TNFSF4: variants seen among roughly 807,000 people sequenced by gnomAD.
TNFSF4 encodes tumor necrosis factor ligand superfamily member 4.
TNFSF4 carries 4 observed loss-of-function variants against 7.3 expected under a neutral mutation model. That is an observed-to-expected ratio of 0.55 (90% CI 0.27 to 1.25). TNFSF4 has a LOEUF of 1.25. Ranked by LOEUF, TNFSF4 falls within the 50% of genes most tolerant of loss-of-function variation. The pLI is 0.12. For synonymous variants in TNFSF4, 76 were observed against 83.7 expected, an observed-to-expected ratio of 0.91 and a Z score of 0.50; for missense variants, 181 against 208.8, an observed-to-expected ratio of 0.87 and a Z score of 0.82.
At chr1:173,348,060 T>C in the TNFSF4 span, among the ~76,000 whole-genome samples, 1 of 152,174 alleles carries the variant, frequency 6.6e-6, no homozygotes, top group Non-Finnish European at 1.5e-5. Context: ...AAGCAGAACT[T>C]AGAAGAAAGC....
chr1:173,395,037 T>TA, the TNFSF4 span, among the ~76,000 whole-genome samples: 23,241 of 91,724 alleles, frequency 0.25, 2,895 homozygotes, highest in East Asian at 0.33. Flanking sequence ...GATAGATAGA[T>TA]GATAGATAGA....
the TNFSF4 span, among the ~76,000 whole-genome samples, chr1:173,356,964 C>T: frequency 6.6e-6 from 1 of 152,082 alleles, no homozygotes; most frequent in Non-Finnish European, 1.5e-5. Flanking sequence ...CTTATTTATA[C>T]CTGATTGATG....
the TNFSF4 span, among the ~76,000 whole-genome samples, chr1:173,341,938 C>T: frequency 6.6e-6 from 1 of 152,156 alleles, no homozygotes; most frequent in African/African-American, 2.4e-5. Context: ...TCCAAGTACC[C>T]TCTAGATTCC....
chr1:173,282,302 ACCC>A, the TNFSF4 span, among the ~76,000 whole-genome samples: 4 of 152,026 alleles, frequency 2.6e-5, no homozygotes, highest in African/African-American at 4.8e-5. Context: ...TATCATATGC[ACCC>A]CATAAGTATG....
chr1:173,190,065 A>G (rs1557879505), intron 1 of TNFSF4, among the ~76,000 whole-genome samples: 2 of 151,292 alleles, frequency 1.3e-5, no homozygotes, highest in Non-Finnish European at 2.9e-5. Flanking sequence ...AAAAAAAAAA[A>G]ATTATCCAGG....
the TNFSF4 span, among the ~76,000 whole-genome samples, chr1:173,297,410 A>G: frequency 2.0e-5 from 3 of 151,984 alleles, no homozygotes; most frequent in African/African-American, 7.2e-5. Flanking sequence ...TATGGATAAA[A>G]CAAATGTACT....
intron 1 of TNFSF4, among the ~76,000 whole-genome samples, chr1:173,199,495 A>T (rs1287360181): frequency 6.6e-6 from 1 of 152,194 alleles, no homozygotes; most frequent in Non-Finnish European, 1.5e-5. Context: ...ATAGAGGCAG[A>T]GCTTGGAGCA....
the TNFSF4 span, among the ~76,000 whole-genome samples, chr1:173,232,472 C>T: frequency 1.3e-5 from 2 of 152,060 alleles, no homozygotes; most frequent in East Asian, 3.9e-4. Flanking sequence ...CTTTCTCCTG[C>T]CTGATTGCCC....
At chr1:173,374,116 C>A in the TNFSF4 span, among the ~76,000 whole-genome samples, 2 of 152,178 alleles carry the variant, frequency 1.3e-5, no homozygotes, top group Non-Finnish European at 2.9e-5. Context: ...ATCCGAAATT[C>A]TCCTCACAAC....
chr1:173,278,943 T>G, the TNFSF4 span, among the ~76,000 whole-genome samples: 1 of 152,070 alleles, frequency 6.6e-6, no homozygotes, highest in Non-Finnish European at 1.5e-5. Context: ...GAACAACATA[T>G]TTGTAATCCA....
At chr1:173,391,732 A>G in the TNFSF4 span, among the ~76,000 whole-genome samples, 1 of 152,176 alleles carries the variant, frequency 6.6e-6, no homozygotes, top group African/African-American at 2.4e-5. Flanking sequence ...CTCTAAATGG[A>G]GGTGAGAACA....
chr1:173,402,605 C>CAGT, the TNFSF4 span, among the ~76,000 whole-genome samples: 1 of 152,176 alleles, frequency 6.6e-6, no homozygotes. Flanking sequence ...TCTCACCTTT[C>CAGT]CCCAGAGCAC....
At chr1:173,348,948 C>T in the TNFSF4 span, among the ~76,000 whole-genome samples, 3 of 152,192 alleles carry the variant, frequency 2.0e-5, no homozygotes, top group South Asian at 2.1e-4. Context: ...GTCTCCCCAA[C>T]ACAGGTCTGA....
At chr1:173,205,732 G>T in intron 1 of TNFSF4, 1 of 302,948 alleles carries the variant, frequency 3.3e-6, no homozygotes, top group Non-Finnish European at 4.9e-6. Context: ...GATGTCTTGG[G>T]CATCCTGCCA....
chr1:173,240,402 T>C, the TNFSF4 span, among the ~76,000 whole-genome samples: 1 of 152,240 alleles, frequency 6.6e-6, no homozygotes, highest in Non-Finnish European at 1.5e-5. Context: ...ATATATGGCA[T>C]GTTTCATGTT....
At chr1:173,243,781 T>C in the TNFSF4 span, among the ~76,000 whole-genome samples, 2 of 152,328 alleles carry the variant, frequency 1.3e-5, no homozygotes, top group Admixed American at 1.3e-4. Context: ...AACCTGCCCA[T>C]TCTTCTCATA....
At chr1:173,273,456 T>G in the TNFSF4 span, among the ~76,000 whole-genome samples, 1 of 152,180 alleles carries the variant, frequency 6.6e-6, no homozygotes. Context: ...CTTTATATTC[T>G]ACATTTTCTA....
intron 1 of TNFSF4, among the ~76,000 whole-genome samples, chr1:173,198,536 G>A (rs745660837): frequency 2.3e-4 from 35 of 152,204 alleles, no homozygotes; most frequent in Non-Finnish European, 2.8e-4. Flanking sequence ...CTAGAATGGC[G>A]TGAACGCAGG....
rs957846197 is a variant in TNFSF4, at chr1:173,183,909, A to G, written c.*2607T>C. On this transcript the variant is annotated 3_prime_UTR_variant, in exon 3 of 3. Transcript: ENST00000281834. The stretch of plus-strand genomic sequence containing the variant: ...AGAACAAATTATGATTTGGATCGGG[A>G]TTGGAATCCCTTAAGCATTCTCTAA... 3.9e-5 allele frequency: 6 copies of G among 152,222 alleles called. No homozygotes were observed. The highest frequency in any genetic ancestry group is 1.4e-4 in the African/African-American group (6 of 41,446). 9.4% of individuals were successfully genotyped at this position (152,222 alleles called of 1,614,324 possible). A position where few individuals can be genotyped will look rare whatever the true frequency, so the allele number is the denominator to read the frequency against.
Sources: gnomAD v4.1 joint callset for allele counts (sites outside exome capture counted in the v4.1 genomes callset) on GRCh38, gnomAD v4.1.1 for gene constraint, MANE v1.5 for transcripts, NCBI Gene and HGNC (gene_info 2026-07-23, HGNC 2026-07-21) for gene names.